The following KNDC1 variants were observed in gnomAD, a reference collection of about 807,000 sequenced individuals.
KNDC1 encodes the protein kinase non-catalytic C-lobe domain containing 1.
In KNDC1, 106 loss-of-function variants were observed where a neutral mutation model predicts 172.8. The observed-to-expected ratio is 0.61, with a 90% CI of 0.52 to 0.72. KNDC1 has a LOEUF of 0.72. Among genes scored for constraint, KNDC1 ranks in the 30% least tolerant of loss-of-function variants. The pLI is 0.00. For missense variants in KNDC1, 2,325 were observed against 2,394.5 expected, an observed-to-expected ratio of 0.97 and a Z score of 0.61; for synonymous variants, 1,083 against 1,062.2, an observed-to-expected ratio of 1.02 and a Z score of -0.38.
chr10:133,179,833 A>C (rs1002545838), intron 3 of KNDC1, among the ~76,000 whole-genome samples: 1 of 152,060 alleles, frequency 6.6e-6, no homozygotes, highest in Non-Finnish European at 1.5e-5. Context: ...CTGTGGCCTA[A>C]GGTGTGATCA....
chr10:133,167,119 G>T (rs1853188173), intron 1 of KNDC1: 1 of 525,610 alleles, frequency 1.9e-6, no homozygotes, highest in Non-Finnish European at 3.4e-6. Flanking sequence ...CGGGAGGAAG[G>T]CCCCGTGCCC....
chr10:133,198,269 G>A, intron 12 of KNDC1, 68 bp from the exon 13 acceptor site: 4 of 1,461,886 alleles, frequency 2.7e-6, no homozygotes, highest in Non-Finnish European at 3.6e-6. Flanking sequence ...TGGGTGGGAT[G>A]AGCCGGTGGT....
At chr10:133,202,639 G>A (rs1010987698) in intron 17 of KNDC1, 2 of 456,566 alleles carry the variant, frequency 4.4e-6, no homozygotes, top group African/African-American at 4.0e-5. Context: ...CAGCCTCTGG[G>A]CATCGGAGCC....
Position 133,160,464 on chromosome 10 carries a change from C to T in KNDC1, c.-4C>T, listed in dbSNP as rs754345966. 8.5e-6 allele frequency: 13 copies of T among 1,528,516 alleles called. No individual in the cohort carries two copies. The highest frequency in any genetic ancestry group is 1.1e-5 in the Non-Finnish European group (12 of 1,138,612). The allele number at this position is 1,528,516 out of a possible 1,614,324, so 94.7% of individuals were successfully genotyped here. ...CCGGGGGCGGTGCGCGGCGCGGCCG[C>T]AGGATGCAGGCCATGGACCCGGCCG... On this transcript the variant is annotated 5_prime_UTR_variant, in exon 1 of 30. Coordinates refer to ENST00000304613, the MANE Select transcript of KNDC1 (RefSeq NM_152643.8).
chr10:133,189,511 T>C (rs1854019734), intron 7 of KNDC1, 87 bp from the exon 8 acceptor site: 4 of 1,314,668 alleles, frequency 3.0e-6, no homozygotes, highest in Non-Finnish European at 4.3e-6. Context: ...CTGCCCGGCC[T>C]GACTGAGGCT....
intron 1 of KNDC1, among the ~76,000 whole-genome samples, chr10:133,161,204 C>G (rs1419789654): frequency 6.6e-6 from 1 of 152,204 alleles, no homozygotes; most frequent in Non-Finnish European, 1.5e-5. Context: ...TAGCTCAGCT[C>G]TGGCTTGGCT....
In KNDC1 at chr10:133,224,884, C is replaced by A. The variant is rs1480535680; in HGVS notation, c.5244C>A (p.Phe1748Leu). The A allele has an allele frequency of 2.5e-6, 4 of 1,609,474 alleles. No homozygotes were observed. The highest frequency in any genetic ancestry group is 3.4e-6 in the Non-Finnish European group (4 of 1,176,384). The change falls in exon 30 of 30, where the codon TTC (phenylalanine) becomes TTA (leucine). Residue 1748 changes from phenylalanine to leucine, a missense_variant. Physicochemically the swap from Phe to Leu is conservative, Grantham distance 22. Transcript: ENST00000304613. This position sits in a 1 kb window ranked among gnomAD's most constrained non-coding sequence, Gnocchi z 5.4. ...QDKLRRMKAT[F>L]Q ...AGCTACGGAGGATGAAGGCTACATT[C>A]CAGTAGCCGAGCTCGGGCCTGGTGT...
At position 133,224,930 on chromosome 10, in the gene KNDC1, G is replaced by A. The variant is rs755598050; in HGVS notation, c.*40G>A. On this transcript the variant is annotated 3_prime_UTR_variant, in exon 30 of 30. Coordinates refer to ENST00000304613, the MANE Select transcript of KNDC1 (RefSeq NM_152643.8). This position sits in a 1 kb window ranked among gnomAD's most constrained non-coding sequence, Gnocchi z 5.4. ...GGTGTGGAATTCCAGATCCGAATCCGACTGTGGGGGGCGGGCTGGGAGGTG... is the reference window on the plus strand; with the variant it reads ...GGTGTGGAATTCCAGATCCGAATCCAACTGTGGGGGGCGGGCTGGGAGGTG... 3 of 1,519,672 alleles carry A rather than the reference G, an allele frequency of 2.0e-6. No individual in the cohort carries two copies. The highest frequency in any genetic ancestry group is 2.3e-5 in the East Asian group (1 of 43,262). The allele number at this position is 1,519,672 out of a possible 1,614,324, so 94.1% of individuals were successfully genotyped here. A position where few individuals can be genotyped will look rare whatever the true frequency, so the allele number is the denominator to read the frequency against.
At chr10:133,171,757 C>G (rs1466928954) in intron 3 of KNDC1, among the ~76,000 whole-genome samples, 2 of 151,790 alleles carry the variant, frequency 1.3e-5, no homozygotes, top group Non-Finnish European at 2.9e-5. Flanking sequence ...ACTGTAGGCA[C>G]ACGCCACCAC....
In KNDC1 at chr10:133,207,324, T is replaced by C. The variant is rs1428763305; in HGVS notation, c.3767T>C (p.Leu1256Pro). ...KARILQAGTP[L>P]GLMAYLYSSD... ...CGCATCCTGCAGGCCGGCACGCCGCTGGGGCTCATGGCCTACCTGTACTCC... is the reference window on the plus strand; with the variant it reads ...CGCATCCTGCAGGCCGGCACGCCGCCGGGGCTCATGGCCTACCTGTACTCC... The change falls in exon 20 of 30, where the codon CTG (leucine) becomes CCG (proline). Residue 1256 changes from leucine to proline, a missense_variant. Leu to Pro is a moderately conservative substitution (Grantham distance 98). Coordinates refer to ENST00000304613, the MANE Select transcript of KNDC1 (RefSeq NM_152643.8). 8 of 1,612,598 alleles carry C rather than the reference T, an allele frequency of 5.0e-6. No homozygotes were observed. Among genetic ancestry groups the C allele is most frequent in the Non-Finnish European group, 6.8e-6 (8 of 1,179,874 alleles).
At chr10:133,190,265 C>A (rs1854040678) in intron 9 of KNDC1, among the ~76,000 whole-genome samples, 1 of 151,920 alleles carries the variant, frequency 6.6e-6, no homozygotes, top group Non-Finnish European at 1.5e-5. Context: ...CTGCACTAAA[C>A]AAACACCCTG....
At chr10:133,195,600 G>C in intron 9 of KNDC1, 63 bp from the exon 10 acceptor site, 1 of 1,429,268 alleles carries the variant, frequency 7.0e-7, no homozygotes, top group Middle Eastern at 1.9e-4. Flanking sequence ...GAGGTGGGCA[G>C]GTCTGCTGGG....
chr10:133,163,892 C>T lies in KNDC1; in HGVS notation c.102+3323C>T, dbSNP rs949276484. Among the ~76,000 whole-genome samples the T allele has an allele frequency of 2.0e-5, 3 of 146,648 alleles. No individual in the cohort carries two copies. The highest frequency in any genetic ancestry group is 5.1e-5 in the African/African-American group (2 of 39,588). ...CATGTCCACCTGCCTTCCCAAATCC[C>T]TCCTCCCACCTGGGATGGGGGTGGA... On this transcript the variant is annotated intron_variant, in intron 1 of 29. Coordinates refer to ENST00000304613, the MANE Select transcript of KNDC1 (RefSeq NM_152643.8). The surrounding 1 kb of genome is among the most constrained non-coding windows in gnomAD (Gnocchi z 4.4).
intron 21 of KNDC1, 67 bp downstream of exon 21, chr10:133,210,791 C>T (rs1845348886): frequency 7.8e-7 from 1 of 1,282,650 alleles, no homozygotes; most frequent in African/African-American, 1.5e-5. Context: ...GCCCATGGGC[C>T]TGGTTTAGCC....
rs572360922 is a variant in KNDC1 at position 133,224,670 on chromosome 10, A to G, written c.5030A>G (p.Lys1677Arg). 6.2e-7 allele frequency: 1 copy of G among 1,613,938 alleles called. No individual in the cohort carries two copies. The highest frequency in any genetic ancestry group is 1.3e-5 in the African/African-American group (1 of 75,036). Reference protein sequence around the residue: ...HRWSKLRNIAKVVSQVHAFQE... With the variant: ...HRWSKLRNIARVVSQVHAFQE... ...TTCCTCAACGGAAGGAACATCGCAA[A>G]GGTGGTGAGCCAGGTGCACGCGTTC... The change falls in exon 30 of 30, where the codon AAG becomes AGG. Residue 1677 changes from lysine (K) to arginine (R), a missense_variant. Physicochemically the swap from Lys to Arg is conservative, Grantham distance 26. Transcript: ENST00000304613. This position sits in a 1 kb window ranked among gnomAD's most constrained non-coding sequence, Gnocchi z 5.4.
At chr10:133,188,946 G>C (rs2135983123) in intron 7 of KNDC1, among the ~76,000 whole-genome samples, 1 of 152,176 alleles carries the variant, frequency 6.6e-6, no homozygotes, top group South Asian at 2.1e-4. Context: ...ATGCCTGCAA[G>C]GTGGGCCTTG....
rs757610133 is a variant in KNDC1 at position 133,197,039 on chromosome 10, A to G, written c.1735-19A>G. 6.8e-6 allele frequency: 11 copies of G among 1,607,712 alleles called. No individual in the cohort carries two copies. The highest frequency in any genetic ancestry group is 9.4e-6 in the Non-Finnish European group (11 of 1,175,050). ...TGGCTGAGGCCTGTCGGGACGTGTG[A>G]ACTGTCTCCTCCCTCCAGGTGTGCG... On this transcript the variant is annotated intron_variant, in intron 10 of 29. Coordinates refer to ENST00000304613, the MANE Select transcript of KNDC1 (RefSeq NM_152643.8).
intron 29 of KNDC1, among the ~76,000 whole-genome samples, chr10:133,223,270 CAT>C (rs67357035): frequency 2.3e-5 from 1 of 42,678 alleles, no homozygotes; most frequent in Admixed American, 2.7e-4. Flanking sequence ...CTCTTCTCGG[CAT>C]GTGTGTGTGT....
At position 133,186,296 on chromosome 10, in the gene KNDC1, C is replaced by T. The variant is rs375111359; in HGVS notation, c.948C>T (p.Pro316=). 88 of 1,611,548 alleles carry T rather than the reference C, an allele frequency of 5.5e-5. No homozygotes were observed. In the South Asian group the frequency reaches 8.3e-4, roughly 15 times the overall value. Residue 316 remains proline (P), a synonymous_variant, in exon 6 of 30, where the codon CCC becomes CCT. Coordinates refer to ENST00000304613, the MANE Select transcript of KNDC1 (RefSeq NM_152643.8). The stretch of plus-strand genomic sequence containing the variant: ...TCCCTAGGCTGCTGTCCGACAGCCC[C>T]GAGGCCACCCTCTGCCTGCCGCTGA... ...QTFPRLLSDS[P]EATLCLPLTR... is the part of the protein sequence containing the mutation.
Sources: allele counts gnomAD v4.1 joint callset (sites outside exome capture counted in the v4.1 genomes callset), GRCh38; gene constraint gnomAD v4.1.1; non-coding constraint Gnocchi (gnomAD v3.1); transcripts MANE v1.5; gene names NCBI Gene and HGNC (gene_info 2026-07-23, HGNC 2026-07-21).